Variants in DOCK5 observed in about 807,000 individuals in gnomAD.
DOCK5 encodes the protein dedicator of cytokinesis 5, also known as dedicator of cytokinesis protein 5.
DOCK5 carries 142 observed loss-of-function variants against 251.8 expected under a neutral mutation model. That is an observed-to-expected ratio of 0.56 (90% CI 0.49 to 0.65). The LOEUF (loss-of-function observed/expected upper bound fraction) is 0.65, where lower values mean the gene tolerates loss of function less well. DOCK5 is among the 30% of genes least tolerant of loss of function. The pLI, the probability that DOCK5 is intolerant of heterozygous loss-of-function variation, is 0.00. For missense variants in DOCK5, 2,111 were observed against 2,312.3 expected (o/e 0.91, Z 1.79); for synonymous variants, 842 against 835.5 (o/e 1.01, Z -0.13).
intron 1 of DOCK5, among the ~76,000 whole-genome samples, chr8:25,226,511 G>A (rs1445339070): frequency 3.3e-5 from 5 of 151,742 alleles, no homozygotes; most frequent in Admixed American, 6.6e-5. Flanking sequence ...TGATCTGCCC[G>A]TCTAGGCCTG....
intron 27 of DOCK5, among the ~76,000 whole-genome samples, chr8:25,353,916 G>A (rs758479948): frequency 2.6e-5 from 4 of 151,688 alleles, no homozygotes; most frequent in Non-Finnish European, 4.4e-5. Flanking sequence ...CAGCTACTCC[G>A]GAGGCTGAGG....
intron 1 of DOCK5, among the ~76,000 whole-genome samples, chr8:25,232,703 C>A (rs1325114166): frequency 6.6e-6 from 1 of 152,096 alleles, no homozygotes. Flanking sequence ...TTAATTACCT[C>A]CCAAAAGCCC....
chr8:25,409,938 G>A, intron 50 of DOCK5, 161 bp from the exon 51 acceptor site: 1 of 603,848 alleles, frequency 1.7e-6, no homozygotes, highest in Non-Finnish European at 2.9e-6. Context: ...TGTGTGATGT[G>A]GGGTAAGAAG....
chr8:25,254,848 A>C (rs912802745), intron 2 of DOCK5, among the ~76,000 whole-genome samples: 2 of 151,444 alleles, frequency 1.3e-5, no homozygotes, highest in African/African-American at 4.9e-5. Context: ...AAAGAGCTTT[A>C]AAATCCAACA....
At chr8:25,283,445 G>A (rs761165072) in intron 5 of DOCK5, among the ~76,000 whole-genome samples, 1 of 152,146 alleles carries the variant, frequency 6.6e-6, no homozygotes, top group Non-Finnish European at 1.5e-5. Flanking sequence ...AAAAGTTGAT[G>A]TAAAAGCTGC....
At chr8:25,362,057 C>T (rs1337851944) in intron 28 of DOCK5, among the ~76,000 whole-genome samples, 1 of 152,192 alleles carries the variant, frequency 6.6e-6, no homozygotes, top group East Asian at 1.9e-4. Flanking sequence ...TCACAGCCCC[C>T]TTTGGAGCAG....
At chr8:25,229,668 CA>C (rs1478705381) in intron 1 of DOCK5, among the ~76,000 whole-genome samples, 2 of 151,936 alleles carry the variant, frequency 1.3e-5, no homozygotes, top group African/African-American at 4.8e-5. Context: ...TGGTTGCTTA[CA>C]TATATATATG....
At chr8:25,337,831 C>T (rs1036140741) in intron 22 of DOCK5, among the ~76,000 whole-genome samples, 23 of 151,942 alleles carry the variant, frequency 1.5e-4, no homozygotes, top group African/African-American at 1.9e-4. Context: ...GTGATCCCCC[C>T]GCCTCGGCCT....
intron 1 of DOCK5, among the ~76,000 whole-genome samples, chr8:25,242,549 T>C (rs1324237828): frequency 6.6e-6 from 1 of 152,206 alleles, no homozygotes; most frequent in Non-Finnish European, 1.5e-5. Context: ...TAGTTTTAAT[T>C]TGTATTTTCC....
chr8:25,325,161 T>C (rs1421636297), intron 17 of DOCK5, among the ~76,000 whole-genome samples: 2 of 152,214 alleles, frequency 1.3e-5, no homozygotes, highest in East Asian at 1.9e-4. Flanking sequence ...TCACAACTTA[T>C]TCTGTTTCCA....
chr8:25,236,257 C>A (rs192173143), intron 1 of DOCK5, among the ~76,000 whole-genome samples: 23 of 152,260 alleles, frequency 1.5e-4, no homozygotes, highest in Admixed American at 9.2e-4. Flanking sequence ...TAGCCTCCGT[C>A]CTGGATGGGT....
intron 1 of DOCK5, among the ~76,000 whole-genome samples, chr8:25,201,806 A>T (rs547093044): frequency 6.6e-6 from 1 of 152,228 alleles, no homozygotes; most frequent in Non-Finnish European, 1.5e-5. Context: ...AAGTTTGCTC[A>T]GTCGCAGCCT....
intron 40 of DOCK5, among the ~76,000 whole-genome samples, chr8:25,385,902 C>A (rs1325615750): frequency 6.6e-6 from 1 of 151,856 alleles, no homozygotes; most frequent in Non-Finnish European, 1.5e-5. Flanking sequence ...TTTGCAAAAA[C>A]CAGAAAAAAA....
At chr8:25,193,729 C>T (rs980261273) in intron 1 of DOCK5, among the ~76,000 whole-genome samples, 2 of 152,018 alleles carry the variant, frequency 1.3e-5, no homozygotes, top group Non-Finnish European at 2.9e-5. Context: ...CGTGCCACTG[C>T]ACTCCAGCCT....
intron 40 of DOCK5, among the ~76,000 whole-genome samples, chr8:25,388,638 G>A (rs1801204615): frequency 1.3e-5 from 2 of 152,172 alleles, no homozygotes; most frequent in African/African-American, 2.4e-5. Flanking sequence ...CTGTTTAAGT[G>A]GTGGTCCACA....
chr8:25,205,180 C>T (rs1586226943), intron 1 of DOCK5, among the ~76,000 whole-genome samples: 1 of 152,088 alleles, frequency 6.6e-6, no homozygotes. Flanking sequence ...TTACAGGTGT[C>T]AGCCCCTGTG....
chr8:25,258,723 C>G (rs1262602511), intron 2 of DOCK5, among the ~76,000 whole-genome samples: 1 of 152,192 alleles, frequency 6.6e-6, no homozygotes, highest in Non-Finnish European at 1.5e-5. Context: ...GCCAGTGGCT[C>G]AAGAACACCT....
At chr8:25,368,767 T>G in intron 33 of DOCK5, 42 bp downstream of exon 33, 1 of 1,576,144 alleles carries the variant, frequency 6.3e-7, no homozygotes, top group Non-Finnish European at 8.6e-7. Context: ...AATGGACATA[T>G]AGTCAAATCA....
At chr8:25,244,710 C>T (rs1408237546) in intron 2 of DOCK5, among the ~76,000 whole-genome samples, 1 of 152,132 alleles carries the variant, frequency 6.6e-6, no homozygotes, top group Non-Finnish European at 1.5e-5. Flanking sequence ...GATGGGAAGG[C>T]AGGAGGAAAG....
Sources: allele counts gnomAD v4.1 joint callset (sites outside exome capture counted in the v4.1 genomes callset), GRCh38; gene constraint gnomAD v4.1.1; transcripts MANE v1.5; gene names NCBI Gene and HGNC (gene_info 2026-07-23, HGNC 2026-07-21).